The following SMG5 variants were observed in gnomAD, a reference collection of about 807,000 sequenced individuals.
SMG5 encodes the protein SMG5 nonsense mediated mRNA decay factor.
A neutral mutation model predicts 122.9 loss-of-function variants in SMG5; 53 were observed. The observed-to-expected ratio is 0.43, with a 90% CI of 0.35 to 0.54. SMG5 has a LOEUF of 0.54. Among genes scored for constraint, SMG5 ranks in the 20% least tolerant of loss-of-function variants. The pLI is 0.01. For synonymous variants in SMG5, 477 were observed against 490.2 expected (o/e 0.97, Z 0.35); for missense variants, 1,153 against 1,285.6 (o/e 0.90, Z 1.58).
chr1:156,282,647 C>T lies in SMG5; in HGVS notation c.34G>A (p.Glu12Lys). The T allele has an allele frequency of 6.2e-7, 1 of 1,608,150 alleles. No individual in the cohort carries two copies. Among genetic ancestry groups the T allele is most frequent in the Non-Finnish European group, 8.5e-7 (1 of 1,179,670 alleles). ...SQGPPTGESS[E>K]PEAKVLHTKR... ...GTGTGGAGGACTTTTGCTTCGGGCTCGCTGCTCTCCCCTGTGGGGGGGCCT... is the reference window on the plus strand; with the variant it reads ...GTGTGGAGGACTTTTGCTTCGGGCTTGCTGCTCTCCCCTGTGGGGGGGCCT... Residue 12 changes from glutamate to lysine, a missense_variant, in exon 1 of 22, where the codon GAG (glutamate) becomes AAG (lysine). Glu to Lys is a moderately conservative substitution (Grantham distance 56, BLOSUM62 1). Around this residue, in one of 5 missense-constraint regions of SMG5, gnomAD observed 213 missense variants for 197.5 expected, o/e 1.08. Transcript: ENST00000361813.
chr1:156,259,023 GGC>G lies in SMG5; in HGVS notation c.2422_2423del (p.Ala808ProfsTer52). 1 of 1,613,774 alleles carries G rather than the reference GGC, an allele frequency of 6.2e-7. No homozygotes were observed. Among genetic ancestry groups the G allele is most frequent in the Non-Finnish European group, 8.5e-7 (1 of 1,179,900 alleles). On this transcript the variant is annotated frameshift_variant, in exon 16 of 22. Transcript: ENST00000361813. LOFTEE classifies it high-confidence loss of function. Reference sequence around the variant, plus strand: ...GACTCACCATTCGGAACTGTGCCTGGGCCTGCTGCAGCAGGCTCTCCTGCTCA... The same window carrying G: ...GACTCACCATTCGGAACTGTGCCTGGCTGCTGCAGCAGGCTCTCCTGCTCA... ...QSEQESLLQQAQAQFRMAQEE... is the reference protein window; with the variant it reads ...QSEQESLLQQXQAQFRMAQEE...
At chr1:156,273,527 C>G in intron 5 of SMG5, 77 bp from the exon 6 acceptor site, 16 of 1,366,712 alleles carry the variant, frequency 1.2e-5, no homozygotes, top group Non-Finnish European at 1.5e-5. Flanking sequence ...TGGGAGTCCA[C>G]TCTGAGAGTG....
At chr1:156,276,127 C>CA (rs1662673942) in intron 4 of SMG5, among the ~76,000 whole-genome samples, 2 of 128,740 alleles carry the variant, frequency 1.6e-5, no homozygotes, top group African/African-American at 5.8e-5. Flanking sequence ...AGAGGTTTGG[C>CA]TTTTTTTTTT....
In SMG5 at chr1:156,258,872, TC is replaced by T. The variant is rs1661690441; in HGVS notation, c.2442+132del. The T allele has an allele frequency of 6.7e-6, 7 of 1,047,166 alleles. No individual in the cohort carries two copies. The South Asian group carries it at 1.2e-4, about 18-fold the overall frequency. 64.9% of individuals were successfully genotyped at this position (1,047,166 alleles called of 1,614,324 possible). ...TCCTTCCCAGGCCTCCCTCCCAGCC[TC>T]CCCTCCCCTCTCCCTAGGCATCTTA... On this transcript the variant is annotated intron_variant, in intron 16 of 21. Coordinates refer to ENST00000361813, the MANE Select transcript of SMG5 (RefSeq NM_015327.3).
chr1:156,254,832 G>A (rs536336283), intron 16 of SMG5, among the ~76,000 whole-genome samples: 38 of 152,142 alleles, frequency 2.5e-4, no homozygotes, highest in African/African-American at 8.7e-4. Context: ...GCTCACACCT[G>A]TAATCCCAGC....
rs976735510 is a variant in SMG5, at chr1:156,282,765, GCAGCCGCCGCCGCCA to G, written c.-100_-86del. The G allele has an allele frequency of 4.3e-6, 6 of 1,406,612 alleles. No individual in the cohort carries two copies. The African/African-American group carries it at 8.7e-5, about 20-fold the overall frequency. The allele number at this position is 1,406,612 out of a possible 1,614,324, so 87.1% of individuals were successfully genotyped here. On this transcript the variant is annotated 5_prime_UTR_variant, in exon 1 of 22. Coordinates refer to ENST00000361813, the MANE Select transcript of SMG5 (RefSeq NM_015327.3). ...AACACTGCCGTCTCCGGCCGTAGCC[GCAGCCGCCGCCGCCA>G]CCGGCCCTGCTCGGCCGCCATCGCT...
At chr1:156,268,552 A>T in intron 7 of SMG5, 137 bp from the exon 8 acceptor site, 3 of 1,081,598 alleles carry the variant, frequency 2.8e-6, no homozygotes, top group Non-Finnish European at 4.0e-6. Context: ...GCAGGGTAAA[A>T]GGCTCATGAG....
chr1:156,258,694 G>A (rs975839115), intron 16 of SMG5, among the ~76,000 whole-genome samples: 10 of 152,150 alleles, frequency 6.6e-5, no homozygotes, highest in Non-Finnish European at 1.5e-4. Flanking sequence ...TACTCAGGAG[G>A]CTGAGGCAGG....
chr1:156,285,662 A>G (rs780116245), upstream of SMG5: 6 of 1,613,802 alleles, frequency 3.7e-6, no homozygotes, highest in East Asian at 8.9e-5. Context: ...AGAAGACCTT[A>G]TCGTGCGCTG....
upstream of SMG5, among the ~76,000 whole-genome samples, chr1:156,286,835 G>C (rs976877765): frequency 6.6e-6 from 1 of 152,194 alleles, no homozygotes; most frequent in Non-Finnish European, 1.5e-5. Flanking sequence ...TTTCAAAATA[G>C]AGACAAGGCT....
Position 156,263,495 on chromosome 1 carries a change from T to C in SMG5, c.1931A>G (p.Glu644Gly). The C allele has an allele frequency of 1.2e-6, 2 of 1,614,238 alleles. No homozygotes were observed. Among genetic ancestry groups the C allele is most frequent in the Middle Eastern group, 1.6e-4 (1 of 6,062 alleles). Residue 644 changes from glutamate to glycine, a missense_variant, in exon 13 of 22, where the codon GAG becomes GGG. Coordinates refer to ENST00000361813, the MANE Select transcript of SMG5 (RefSeq NM_015327.3). Reference protein sequence around the residue: ...RSCRNERSIQEKLQVLMAEGL... With the variant: ...RSCRNERSIQGKLQVLMAEGL... The stretch of plus-strand genomic sequence containing the variant: ...TTCGGCCATCAGGACCTGAAGCTTC[T>C]CCTGGATGCTGCGCTCATTCCGACA...
At chr1:156,277,904 T>C (rs1410209256) in intron 3 of SMG5, 21 bp downstream of exon 3, 2 of 1,612,962 alleles carry the variant, frequency 1.2e-6, no homozygotes, top group Admixed American at 3.3e-5. Context: ...TTTCCCTCTT[T>C]AGACAAGGAC....
rs1479039949 is a variant in SMG5 at position 156,280,172 on chromosome 1, G to A, written c.75-1138C>T. Among the ~76,000 whole-genome samples the A allele has an allele frequency of 4.6e-5, 7 of 152,154 alleles. No individual in the cohort carries two copies. The South Asian group carries it at 8.3e-4, about 18-fold the overall frequency. On this transcript the variant is annotated intron_variant, in intron 1 of 21. Coordinates refer to ENST00000361813, the MANE Select transcript of SMG5 (RefSeq NM_015327.3). The stretch of plus-strand genomic sequence containing the variant: ...AAGCCACAGAAACTCTACAATGGAC[G>A]GCCAAGAAGTCCCAGAGGTAGGTCT...
intron 10 of SMG5, among the ~76,000 whole-genome samples, chr1:156,266,921 G>T (rs557591793): frequency 1.3e-5 from 2 of 151,912 alleles, no homozygotes; most frequent in African/African-American, 4.8e-5. Flanking sequence ...GATTACAGGC[G>T]TGAGGCACTG....
chr1:156,250,547 G>C lies in SMG5; in HGVS notation c.*40C>G. 1 of 1,568,440 alleles carries C rather than the reference G, an allele frequency of 6.4e-7. No individual in the cohort carries two copies. The highest frequency in any genetic ancestry group is 1.1e-5 in the South Asian group (1 of 90,180). On this transcript the variant is annotated 3_prime_UTR_variant, in exon 22 of 22. Transcript: ENST00000361813. The stretch of plus-strand genomic sequence containing the variant: ...CCTGGCTGCCAGGGAGGGCAGGAGA[G>C]ATCTGGAGTCAGCCCCACTGCAGGG...
At position 156,267,692 on chromosome 1, in the gene SMG5, G is replaced by A. The variant is rs748383844; in HGVS notation, c.909-14C>T. 1.9e-5 allele frequency: 31 copies of A among 1,598,442 alleles called. No individual in the cohort carries two copies. Among genetic ancestry groups the A allele is most frequent in the South Asian group, 1.8e-4 (16 of 89,378 alleles). On this transcript the variant is annotated splice_polypyrimidine_tract_variant and intron_variant, in intron 9 of 21. Coordinates refer to ENST00000361813, the MANE Select transcript of SMG5 (RefSeq NM_015327.3). Reference sequence around the variant, plus strand: ...GAGTCCACGGAGCTACAGAGGGGCAGGAGTAACAGGGGAGGTCAGTGGTGG... The same window carrying A: ...GAGTCCACGGAGCTACAGAGGGGCAAGAGTAACAGGGGAGGTCAGTGGTGG...
Position 156,250,334 on chromosome 1 carries a change from G to A in SMG5, c.*253C>T. On this transcript the variant is annotated 3_prime_UTR_variant, in exon 22 of 22. Transcript: ENST00000361813. Reference sequence around the variant, plus strand: ...GACAGCAGGGGAGCTGAGGCAGGAAGGCTGGCCAGGGGCCCACAAGACTCT... The same window carrying A: ...GACAGCAGGGGAGCTGAGGCAGGAAAGCTGGCCAGGGGCCCACAAGACTCT... The A allele has an allele frequency of 2.0e-6, 1 of 496,550 alleles. No individual in the cohort carries two copies. Among genetic ancestry groups the A allele is most frequent in the Non-Finnish European group, 3.6e-6 (1 of 274,596 alleles). 30.8% of individuals were successfully genotyped at this position (496,550 alleles called of 1,614,324 possible).
At chr1:156,253,715 C>G in intron 16 of SMG5, 1 of 603,282 alleles carries the variant, frequency 1.7e-6, no homozygotes, top group East Asian at 2.9e-5. Flanking sequence ...CAACCCGATG[C>G]AGGTCATGAT....
chr1:156,254,072 T>C (rs886852485), intron 16 of SMG5, among the ~76,000 whole-genome samples: 1 of 152,120 alleles, frequency 6.6e-6, no homozygotes, highest in Non-Finnish European at 1.5e-5. Context: ...GGGTTGGCTT[T>C]GAATCTTCCC....
Sources: allele counts gnomAD v4.1 joint callset (sites outside exome capture counted in the v4.1 genomes callset), GRCh38; gene constraint gnomAD v4.1.1; regional missense constraint gnomAD v4.1.1; transcripts MANE v1.5; gene names NCBI Gene and HGNC (gene_info 2026-07-23, HGNC 2026-07-21).